MRPL3: variants seen among roughly 807,000 people sequenced by gnomAD.
The protein encoded by MRPL3 is large ribosomal subunit protein uL3m.
MRPL3 carries 43 observed loss-of-function variants against 44.3 expected under a neutral mutation model. The observed-to-expected ratio is 0.97, with a 90% CI of 0.76 to 1.25. The LOEUF is 1.25. Ranked by LOEUF, MRPL3 falls within the 50% of genes most tolerant of loss-of-function variation. The pLI is 0.00. For synonymous variants in MRPL3, 171 were observed against 152.3 expected, an observed-to-expected ratio of 1.12 and a Z score of -0.91; for missense variants, 406 against 427.6, an observed-to-expected ratio of 0.95 and a Z score of 0.45.
chr3:131,487,791 C>T (rs754308198), intron 5 of MRPL3, 51 bp from the exon 6 acceptor site: 1 of 1,402,868 alleles, frequency 7.1e-7, no homozygotes, highest in Admixed American at 1.9e-5. Flanking sequence ...AGCACAGAAA[C>T]AACTTTATTC....
intron 4 of MRPL3, among the ~76,000 whole-genome samples, chr3:131,496,344 C>T (rs1934370578): frequency 6.6e-6 from 1 of 151,950 alleles, no homozygotes; most frequent in Non-Finnish European, 1.5e-5. Context: ...ATTTGTTAGT[C>T]AATAAACTGT....
intron 6 of MRPL3, among the ~76,000 whole-genome samples, chr3:131,476,512 A>C (rs1933855147): frequency 6.6e-6 from 1 of 152,312 alleles, no homozygotes; most frequent in African/African-American, 2.4e-5. Context: ...CATACTTTAT[A>C]TTTTATATCC....
chr3:131,500,983 A>G (rs750904370), intron 2 of MRPL3, among the ~76,000 whole-genome samples: 4 of 152,336 alleles, frequency 2.6e-5, no homozygotes, highest in South Asian at 4.1e-4. Context: ...TTCTTTGCAT[A>G]AACTGGTAAA....
In MRPL3 at chr3:131,468,176, A is replaced by G. The variant is rs1231938684; in HGVS notation, c.817-8T>C. On this transcript the variant is annotated splice_polypyrimidine_tract_variant and splice_region_variant and intron_variant, in intron 8 of 9. Coordinates refer to ENST00000264995, the MANE Select transcript of MRPL3 (RefSeq NM_007208.4). ...TGTGTTTATTCTCCACACCTAAAGC[A>G]TGAAATAAAACCAAAAATTTTAGGA... is the stretch of plus-strand genomic sequence containing the variant. The G allele has an allele frequency of 1.3e-6, 2 of 1,565,094 alleles. No individual in the cohort carries two copies. Among genetic ancestry groups the G allele is most frequent in the Non-Finnish European group, 8.6e-7 (1 of 1,159,088 alleles).
intron 4 of MRPL3, among the ~76,000 whole-genome samples, chr3:131,491,062 T>C (rs901843898): frequency 6.6e-6 from 1 of 152,216 alleles, no homozygotes; most frequent in Non-Finnish European, 1.5e-5. Flanking sequence ...ATATAACATG[T>C]CACAATAATT....
At chr3:131,483,852 A>G (rs1296396068) in intron 6 of MRPL3, among the ~76,000 whole-genome samples, 1 of 152,146 alleles carries the variant, frequency 6.6e-6, no homozygotes. Context: ...CATTTAACTC[A>G]GCAATTAAAG....
chr3:131,462,705 C>A lies in MRPL3; in HGVS notation c.*18G>T. The A allele has an allele frequency of 6.2e-7, 1 of 1,605,848 alleles. No homozygotes were observed. Among genetic ancestry groups the A allele is most frequent in the Non-Finnish European group, 8.5e-7 (1 of 1,174,954 alleles). ...CGAAGCTCACAGAATATGTAAGGTT[C>A]TGCCACGTCCAAAGATGTTAGGCAA... is the stretch of plus-strand genomic sequence containing the variant. On this transcript the variant is annotated 3_prime_UTR_variant, in exon 10 of 10. Coordinates refer to ENST00000264995, the MANE Select transcript of MRPL3 (RefSeq NM_007208.4).
In MRPL3 at chr3:131,502,883, A is replaced by T. The variant is rs1303666160; in HGVS notation, c.-62T>A. ...GCGCCCTGCCGCTCTGCTTTCAGGG[A>T]GTCCCCACGCCACCGCCACGTGGAC... On this transcript the variant is annotated 5_prime_UTR_variant, in exon 1 of 10. Transcript: ENST00000264995. 6.8e-7 allele frequency: 1 copy of T among 1,474,502 alleles called. No individual in the cohort carries two copies. The highest frequency in any genetic ancestry group is 1.8e-5 in the Admixed American group (1 of 56,168). The allele number at this position is 1,474,502 out of a possible 1,614,324, so 91.3% of individuals were successfully genotyped here.
At chr3:131,500,634 A>T (rs189183973) in intron 2 of MRPL3, 113 bp from the exon 3 acceptor site, 1 of 744,954 alleles carries the variant, frequency 1.3e-6, no homozygotes, top group Non-Finnish European at 2.3e-6. Context: ...CACGTAAGAA[A>T]TATGCTAATA....
chr3:131,488,951 G>A (rs1934189227), intron 5 of MRPL3, among the ~76,000 whole-genome samples: 1 of 151,982 alleles, frequency 6.6e-6, no homozygotes. Flanking sequence ...GACCTTTTAT[G>A]AGGCTGAATT....
intron 4 of MRPL3, among the ~76,000 whole-genome samples, chr3:131,491,521 T>C (rs1934256265): frequency 6.6e-6 from 1 of 152,194 alleles, no homozygotes; most frequent in Non-Finnish European, 1.5e-5. Flanking sequence ...TGTCTAAAAC[T>C]GAACTCAACT....
chr3:131,473,634 T>A (rs1933788115), intron 6 of MRPL3, among the ~76,000 whole-genome samples: 1 of 151,340 alleles, frequency 6.6e-6, no homozygotes, highest in Non-Finnish European at 1.5e-5. Flanking sequence ...GCAAACTACA[T>A]CTGACAAGAG....
intron 2 of MRPL3, among the ~76,000 whole-genome samples, 193 bp downstream of exon 2, chr3:131,501,338 A>G (rs1934493276): frequency 6.6e-6 from 1 of 152,228 alleles, no homozygotes. Context: ...GGTCTTTATT[A>G]TCATCAGACA....
chr3:131,489,570 T>G (rs993033785), intron 5 of MRPL3, among the ~76,000 whole-genome samples: 14 of 152,114 alleles, frequency 9.2e-5, no homozygotes, highest in Admixed American at 3.9e-4. Context: ...CTTGGAAATT[T>G]TAAGTAAGAA....
Position 131,462,669 on chromosome 3 carries a change from C to T in MRPL3, c.*54G>A. The T allele has an allele frequency of 1.3e-6, 2 of 1,525,694 alleles. No individual in the cohort carries two copies. Among genetic ancestry groups the T allele is most frequent in the Non-Finnish European group, 1.8e-6 (2 of 1,122,960 alleles). The allele number at this position is 1,525,694 out of a possible 1,614,324, so 94.5% of individuals were successfully genotyped here. A position where few individuals can be genotyped will look rare whatever the true frequency, so the allele number is the denominator to read the frequency against. Reference sequence around the variant, plus strand: ...ATGATTTCTGGTGGTTATGATATCACTCTGGCTCATCGAAGCTCACAGAAT... The same window carrying T: ...ATGATTTCTGGTGGTTATGATATCATTCTGGCTCATCGAAGCTCACAGAAT... On this transcript the variant is annotated 3_prime_UTR_variant, in exon 10 of 10. Transcript: ENST00000264995.
chr3:131,468,915 T>C (rs1933679940), intron 8 of MRPL3, among the ~76,000 whole-genome samples: 1 of 152,084 alleles, frequency 6.6e-6, no homozygotes, highest in African/African-American at 2.4e-5. Flanking sequence ...CCAAAATGTT[T>C]CCAGTGATTG....
At chr3:131,465,068 A>G (rs1409539659) in intron 9 of MRPL3, among the ~76,000 whole-genome samples, 1 of 152,262 alleles carries the variant, frequency 6.6e-6, no homozygotes, top group African/African-American at 2.4e-5. Flanking sequence ...GTTACAAAAG[A>G]AAGTTATTTA....
At chr3:131,498,648 GC>G (rs1169250996) in intron 3 of MRPL3, among the ~76,000 whole-genome samples, 5 of 130,928 alleles carry the variant, frequency 3.8e-5, no homozygotes, top group Non-Finnish European at 6.1e-5. Context: ...CTTGCAGTAA[GC>G]CAAGATCGTG....
At chr3:131,473,416 AGACTT>A (rs1305190179) in intron 6 of MRPL3, among the ~76,000 whole-genome samples, 1 of 151,654 alleles carries the variant, frequency 6.6e-6, no homozygotes, top group Non-Finnish European at 1.5e-5. Flanking sequence ...AATGGATTAA[AGACTT>A]AATGAAAAAA....
Sources: gnomAD v4.1 joint callset for allele counts (sites outside exome capture counted in the v4.1 genomes callset) on GRCh38, gnomAD v4.1.1 for gene constraint, MANE v1.5 for transcripts, NCBI Gene and HGNC (gene_info 2026-07-23, HGNC 2026-07-21) for gene names.